Variants in GORASP1 observed in about 807,000 individuals in gnomAD.
GORASP1 encodes Golgi reassembly-stacking protein 1.
GORASP1 carries 31 observed loss-of-function variants against 37.7 expected under a neutral mutation model. The observed-to-expected ratio is 0.82, with a 90% CI of 0.62 to 1.11. The LOEUF is 1.11. Ranked by LOEUF, GORASP1 falls within the 50% of genes least tolerant of loss-of-function variation. GORASP1 has a pLI of 0.00. For missense variants in GORASP1, 476 were observed against 560.7 expected (o/e 0.85, Z 1.53); for synonymous variants, 204 against 224.8 (o/e 0.91, Z 0.83).
In GORASP1 at chr3:39,103,473, C is replaced by A; in HGVS notation, c.144G>T (p.Leu48=). 6.2e-7 allele frequency: 1 copy of A among 1,611,178 alleles called. No homozygotes were observed. Among genetic ancestry groups the A allele is most frequent in the South Asian group, 1.1e-5 (1 of 90,748 alleles). The change falls in exon 2 of 9, where the codon CTG becomes CTT. Residue 48 remains leucine (L), a splice_region_variant and synonymous_variant. Transcript: ENST00000319283. This position sits in a 1 kb window ranked among gnomAD's most constrained non-coding sequence, Gnocchi z 5.2. The stretch of plus-strand genomic sequence containing the variant: ...AGCAGAGGCAGGTTGGGGAACTCAC[C>A]AGCCTCGAGTGCCCAATGGTGATGA... ...DFIITIGHSR[L]NKENDTLKAL...
Position 39,103,489 on chromosome 3 carries a change from A to G in GORASP1, c.128T>C (p.Ile43Thr), listed in dbSNP as rs776457399. ...GGAACTCACCAGCCTCGAGTGCCCA[A>G]TGGTGATGATGAAGTCAAAGTAGGG... ...LEPYFDFIIT[I>T]GHSRLNKEND... Residue 43 changes from isoleucine (I) to threonine (T), a missense_variant, in exon 2 of 9, where the codon ATT (isoleucine) becomes ACT (threonine). Coordinates refer to ENST00000319283, the MANE Select transcript of GORASP1 (RefSeq NM_031899.4). This position sits in a 1 kb window ranked among gnomAD's most constrained non-coding sequence, Gnocchi z 5.2. 8.7e-6 allele frequency: 14 copies of G among 1,613,272 alleles called. No homozygotes were observed. Among genetic ancestry groups the G allele is most frequent in the South Asian group, 4.4e-5 (4 of 91,044 alleles).
rs1428766523 is a variant in GORASP1, at chr3:39,100,725, G to A, written c.566+22C>T. The A allele has an allele frequency of 1.9e-6, 3 of 1,611,724 alleles. No individual in the cohort carries two copies. The highest frequency in any genetic ancestry group is 2.5e-6 in the Non-Finnish European group (3 of 1,179,614). ...CAGGCCCCACCCACCTGGCCCTGCA[G>A]CCCTCCAACCCCACGAAGTACCTGC... On this transcript the variant is annotated intron_variant, in intron 5 of 8. Coordinates refer to ENST00000319283, the MANE Select transcript of GORASP1 (RefSeq NM_031899.4). The surrounding 1 kb of genome is among the most constrained non-coding windows in gnomAD (Gnocchi z 4.6).
At position 39,098,500 on chromosome 3, in the gene GORASP1, G is replaced by A; in HGVS notation, c.1070-11C>T. On this transcript the variant is annotated splice_polypyrimidine_tract_variant and intron_variant, in intron 8 of 8. Coordinates refer to ENST00000319283, the MANE Select transcript of GORASP1 (RefSeq NM_031899.4). This position sits in a 1 kb window ranked among gnomAD's most constrained non-coding sequence, Gnocchi z 4.7. ...ACCATGTAGCCTCACCTGCAACACA[G>A]AAGATCAGGCTGAGGAGGTCTGCAA... The A allele has an allele frequency of 6.2e-7, 1 of 1,609,476 alleles. No homozygotes were observed. Among genetic ancestry groups the A allele is most frequent in the Non-Finnish European group, 8.5e-7 (1 of 1,177,216 alleles).
chr3:39,102,833 T>C lies in GORASP1; in HGVS notation c.193A>G (p.Lys65Glu). Residue 65 changes from lysine to glutamate, a missense_variant, in exon 3 of 9, where the codon AAG (lysine) becomes GAG (glutamate). Transcript: ENST00000319283. The surrounding 1 kb of genome is among the most constrained non-coding windows in gnomAD (Gnocchi z 5.0). Reference sequence around the variant, plus strand: ...TTGAACACCTCCAGCTTCACGGGCTTCTCCACATTGGCTTTCAGTAGTGCC... The same window carrying C: ...TTGAACACCTCCAGCTTCACGGGCTCCTCCACATTGGCTTTCAGTAGTGCC... ...LKALLKANVE[K>E]PVKLEVFNMK... 1 of 1,614,150 alleles carries C rather than the reference T, an allele frequency of 6.2e-7. No individual in the cohort carries two copies.
chr3:39,100,723 C>T lies in GORASP1; in HGVS notation c.566+24G>A, dbSNP rs1421266815. ...GTCAGGCCCCACCCACCTGGCCCTGCAGCCCTCCAACCCCACGAAGTACCT... is the reference window on the plus strand; with the variant it reads ...GTCAGGCCCCACCCACCTGGCCCTGTAGCCCTCCAACCCCACGAAGTACCT... On this transcript the variant is annotated intron_variant, in intron 5 of 8. Transcript: ENST00000319283. The surrounding 1 kb of genome is among the most constrained non-coding windows in gnomAD (Gnocchi z 4.6). 4 of 1,611,062 alleles carry T rather than the reference C, an allele frequency of 2.5e-6. No individual in the cohort carries two copies. In the Admixed American group the frequency reaches 6.7e-5, roughly 27 times the overall value.
At position 39,102,718 on chromosome 3, in the gene GORASP1, C is replaced by T. The variant is rs747442363; in HGVS notation, c.308G>A (p.Cys103Tyr). Residue 103 changes from cysteine to tyrosine, a missense_variant, in exon 3 of 9, where the codon TGC (cysteine) becomes TAC (tyrosine). Cys to Tyr is a radical substitution (Grantham distance 194, BLOSUM62 -2). Coordinates refer to ENST00000319283, the MANE Select transcript of GORASP1 (RefSeq NM_031899.4). This position sits in a 1 kb window ranked among gnomAD's most constrained non-coding sequence, Gnocchi z 5.0. Reference sequence around the variant, plus strand: ...CTGCTCACTGGCCCTGCGGAAGCTGCAGAAGCGCACACTGGCACCCAGTAG... The same window carrying T: ...CTGCTCACTGGCCCTGCGGAAGCTGTAGAAGCGCACACTGGCACCCAGTAG... ...QGLLGASVRF[C>Y]SFRRASEQVW... 4.3e-6 allele frequency: 7 copies of T among 1,614,184 alleles called. No homozygotes were observed. Among genetic ancestry groups the T allele is most frequent in the Non-Finnish European group, 5.9e-6 (7 of 1,180,024 alleles).
At position 39,098,287 on chromosome 3, in the gene GORASP1, C is replaced by A. The variant is rs61745589; in HGVS notation, c.1272G>T (p.Gly424=). 7.5e-4 allele frequency: 1,217 copies of A among 1,614,156 alleles called. 12 individuals carry two copies. The African/African-American group carries it at 0.014, about 19-fold the overall frequency. ...GGCTGTCCAGCCCCTCAGCCTCCGTCCCAGTATCTAGGCCCTCTGTGCTTG... is the reference window on the plus strand; with the variant it reads ...GGCTGTCCAGCCCCTCAGCCTCCGTACCAGTATCTAGGCCCTCTGTGCTTG... ...EPASTEGLDT[G]TEAEGLDSQA... The change falls in exon 9 of 9, where the codon GGG becomes GGT. Residue 424 remains glycine, a synonymous_variant. Transcript: ENST00000319283. The surrounding 1 kb of genome is among the most constrained non-coding windows in gnomAD (Gnocchi z 4.7).
At chr3:39,106,711 A>G (rs2036148489) in intron 1 of GORASP1, among the ~76,000 whole-genome samples, 2 of 151,678 alleles carry the variant, frequency 1.3e-5, no homozygotes, top group African/African-American at 4.8e-5. Context: ...TCTCACCTAC[A>G]TTATAGCCCT....
Position 39,103,011 on chromosome 3 carries a change from G to C in GORASP1, c.145-130C>G. ...CCTCAGCAGGGTCACTGTGGGGATG[G>C]GCCAAGGTAGTGGATGGGCCAGGTT... On this transcript the variant is annotated intron_variant, in intron 2 of 8. Transcript: ENST00000319283. This position sits in a 1 kb window ranked among gnomAD's most constrained non-coding sequence, Gnocchi z 5.2. 1 of 862,088 alleles carries C rather than the reference G, an allele frequency of 1.2e-6. No individual in the cohort carries two copies. The highest frequency in any genetic ancestry group is 1.4e-5 in the South Asian group (1 of 69,330). The allele number at this position is 862,088 out of a possible 1,614,324, so 53.4% of individuals were successfully genotyped here.
intron 1 of GORASP1, chr3:39,107,213 C>T: frequency 3.7e-6 from 2 of 539,206 alleles, no homozygotes; most frequent in Non-Finnish European, 7.1e-6. Context: ...GGCGGCCGGA[C>T]CAGGAAAACG....
intron 6 of GORASP1, 64 bp from the exon 7 acceptor site, chr3:39,099,567 C>T: frequency 6.6e-7 from 1 of 1,519,480 alleles, no homozygotes; most frequent in Non-Finnish European, 9.0e-7. Flanking sequence ...AAGAATTTTG[C>T]AGTCCAACCT....
chr3:39,099,289 G>T, intron 7 of GORASP1, 64 bp downstream of exon 7: 1 of 1,594,002 alleles, frequency 6.3e-7, no homozygotes, highest in South Asian at 1.1e-5. Context: ...GGAAAGTTTT[G>T]ACATAGCTGC....
In GORASP1 at chr3:39,103,372, A is replaced by T. The variant is rs1178847853; in HGVS notation, c.144+101T>A. Reference sequence around the variant, plus strand: ...GAGACAGGGCTGGGACTCCCTTTAGAAAAAAAGGGAGGGAAGGGTAGACTG... The same window carrying T: ...GAGACAGGGCTGGGACTCCCTTTAGTAAAAAAGGGAGGGAAGGGTAGACTG... On this transcript the variant is annotated intron_variant, in intron 2 of 8. Coordinates refer to ENST00000319283, the MANE Select transcript of GORASP1 (RefSeq NM_031899.4). This position sits in a 1 kb window ranked among gnomAD's most constrained non-coding sequence, Gnocchi z 5.2. 1.6e-5 allele frequency: 14 copies of T among 861,980 alleles called. No individual in the cohort carries two copies. 53.4% of individuals were successfully genotyped at this position (861,980 alleles called of 1,614,324 possible).
At position 39,100,895 on chromosome 3, in the gene GORASP1, C is replaced by G; in HGVS notation, c.436-18G>C. 4 of 1,614,146 alleles carry G rather than the reference C, an allele frequency of 2.5e-6. No individual in the cohort carries two copies. The highest frequency in any genetic ancestry group is 3.4e-6 in the Non-Finnish European group (4 of 1,179,988). On this transcript the variant is annotated intron_variant, in intron 4 of 8. Coordinates refer to ENST00000319283, the MANE Select transcript of GORASP1 (RefSeq NM_031899.4). This position sits in a 1 kb window ranked among gnomAD's most constrained non-coding sequence, Gnocchi z 4.6. ...TCCTCGGACTGTGAGAAACGCATAG[C>G]ACCTGAGGCCTGCTTCCAGGGCTAA...
In GORASP1 at chr3:39,098,851, T is replaced by C; in HGVS notation, c.959A>G (p.Asn320Ser). The change falls in exon 8 of 9, where the codon AAT (asparagine) becomes AGT (serine). Residue 320 changes from asparagine to serine, a missense_variant. Physicochemically the swap from Asn to Ser is conservative, Grantham distance 46. Coordinates refer to ENST00000319283, the MANE Select transcript of GORASP1 (RefSeq NM_031899.4). The surrounding 1 kb of genome is among the most constrained non-coding windows in gnomAD (Gnocchi z 4.7). ...GGGCAGGCTGGGCCACACACTGGCA[T>C]TGCTGTTGTCCAAGAGAGAAATTCC... ...VSGISLLDNS[N>S]ASVWPSLPSS... The C allele has an allele frequency of 6.2e-7, 1 of 1,614,120 alleles. No homozygotes were observed. Among genetic ancestry groups the C allele is most frequent in the Non-Finnish European group, 8.5e-7 (1 of 1,179,996 alleles).
intron 1 of GORASP1, 98 bp downstream of exon 1, chr3:39,107,381 G>A (rs1265128986): frequency 5.0e-6 from 4 of 795,084 alleles, no homozygotes; most frequent in African/African-American, 1.8e-5. Flanking sequence ...ACTCGGGCCG[G>A]GACCCCGCCG....
At position 39,105,082 on chromosome 3, in the gene GORASP1, G is replaced by T. The variant is rs112535330; in HGVS notation, c.64-1529C>A. Reference sequence around the variant, plus strand: ...TGAGGTCCAGAGGGTCAGGCCCCAGGCCTGGCCTCCTTGACCCACCCAATA... The same window carrying T: ...TGAGGTCCAGAGGGTCAGGCCCCAGTCCTGGCCTCCTTGACCCACCCAATA... On this transcript the variant is annotated intron_variant, in intron 1 of 8. Transcript: ENST00000319283. The surrounding 1 kb of genome is among the most constrained non-coding windows in gnomAD (Gnocchi z 5.4). 1.2e-4 allele frequency among the ~76,000 whole-genome samples: 19 copies of T among 152,186 alleles called. No homozygotes were observed. Among genetic ancestry groups the T allele is most frequent in the Non-Finnish European group, 2.1e-4 (14 of 68,010 alleles).
At position 39,107,503 on chromosome 3, in the gene GORASP1, G is replaced by C; in HGVS notation, c.39C>G (p.Gly13=). 6.9e-7 allele frequency: 1 copy of C among 1,458,542 alleles called. No homozygotes were observed. The highest frequency in any genetic ancestry group is 9.0e-7 in the Non-Finnish European group (1 of 1,113,978). 90.4% of individuals were successfully genotyped at this position (1,458,542 alleles called of 1,614,324 possible). ...LGVSAEQPAG[G]AEGFHLHGVQ... is the part of the protein sequence containing the mutation. ...CCCCGTGGAGGTGGAAGCCCTCGGC[G>C]CCGCCTGCGGGCTGCTCAGCGCTGA... The change falls in exon 1 of 9, where the codon GGC becomes GGG. Residue 13 remains glycine, a synonymous_variant. Transcript: ENST00000319283.
In GORASP1 at chr3:39,098,918, T is replaced by C; in HGVS notation, c.917-25A>G. 6.2e-7 allele frequency: 1 copy of C among 1,612,546 alleles called. No individual in the cohort carries two copies. The highest frequency in any genetic ancestry group is 2.2e-5 in the East Asian group (1 of 44,838). On this transcript the variant is annotated intron_variant, in intron 7 of 8. Transcript: ENST00000319283. The surrounding 1 kb of genome is among the most constrained non-coding windows in gnomAD (Gnocchi z 4.7). ...CCTAGGGGAGGGTGGTGCAGTTCTT[T>C]GCCAGCAAGAAACCCTGACTGCTGG... is the stretch of plus-strand genomic sequence containing the variant.
Sources: gnomAD v4.1 joint callset for allele counts (sites outside exome capture counted in the v4.1 genomes callset) on GRCh38, gnomAD v4.1.1 for gene constraint, Gnocchi (gnomAD v3.1) non-coding constraint, MANE v1.5 for transcripts, NCBI Gene and HGNC (gene_info 2026-07-23, HGNC 2026-07-21) for gene names.